CDH9: variants seen among roughly 807,000 people sequenced by gnomAD.
The protein encoded by CDH9 is cadherin-9.
Under a neutral mutation model 70.9 loss-of-function variants are expected in CDH9, and 28 were observed. That is an observed-to-expected ratio of 0.40 (90% CI 0.29 to 0.54). The LOEUF is 0.54. Among genes scored for constraint, CDH9 ranks in the 20% least tolerant of loss-of-function variants. The pLI, the probability that CDH9 is intolerant of heterozygous loss-of-function variation, is 0.59. For missense variants in CDH9, 874 were observed against 984.4 expected, an observed-to-expected ratio of 0.89 and a Z score of 1.50; for synonymous variants, 409 against 343.1, an observed-to-expected ratio of 1.19 and a Z score of -2.12.
intron 2 of CDH9, among the ~76,000 whole-genome samples, chr5:26,972,608 T>A (rs568857324): frequency 2.0e-5 from 3 of 152,130 alleles, no homozygotes; most frequent in Non-Finnish European, 4.4e-5. Flanking sequence ...TGCCTACAAG[T>A]GGACATACGC....
intron 7 of CDH9, among the ~76,000 whole-genome samples, chr5:26,895,176 C>T (rs535616671): frequency 4.8e-4 from 73 of 152,092 alleles, no homozygotes; most frequent in African/African-American, 1.7e-3. Flanking sequence ...TTGCTTTTTA[C>T]TTTTCAGCTA....
At chr5:26,919,308 G>T (rs1204562587) in intron 2 of CDH9, among the ~76,000 whole-genome samples, 2 of 152,114 alleles carry the variant, frequency 1.3e-5, no homozygotes, top group African/African-American at 4.8e-5. Flanking sequence ...ACTCAATGCT[G>T]CCCTGTCACA....
chr5:26,974,162 T>TGAACCTGGGA (rs1294865867), intron 2 of CDH9, among the ~76,000 whole-genome samples: 1 of 152,134 alleles, frequency 6.6e-6, no homozygotes, highest in East Asian at 1.9e-4. Context: ...GAGAATCGCT[T>TGAACCTGGGA]GAACCTGGGA....
At chr5:26,972,503 A>AC (rs896837979) in intron 2 of CDH9, among the ~76,000 whole-genome samples, 22 of 151,852 alleles carry the variant, frequency 1.4e-4, no homozygotes, top group East Asian at 3.9e-4. Flanking sequence ...GCCCTGTGGA[A>AC]CCCCCCCACA....
At chr5:26,885,086 T>C (rs1265919861) in intron 11 of CDH9, among the ~76,000 whole-genome samples, 1 of 152,180 alleles carries the variant, frequency 6.6e-6, no homozygotes, top group Admixed American at 6.5e-5. Context: ...AGACATCTGA[T>C]ATAGATAATT....
At chr5:26,893,409 T>G (rs541793756) in intron 7 of CDH9, among the ~76,000 whole-genome samples, 5 of 152,316 alleles carry the variant, frequency 3.3e-5, no homozygotes, top group Non-Finnish European at 4.4e-5. Context: ...ACCAGTTCAG[T>G]TGTCTCTGTT....
intron 1 of CDH9, among the ~76,000 whole-genome samples, chr5:27,001,956 C>T (rs934785936): frequency 2.0e-5 from 3 of 151,322 alleles, no homozygotes; most frequent in African/African-American, 7.3e-5. Context: ...GTTGGAAAAA[C>T]TTGAGCAACA....
chr5:26,883,638 G>A (rs2111964677), intron 11 of CDH9, among the ~76,000 whole-genome samples: 1 of 152,154 alleles, frequency 6.6e-6, no homozygotes, highest in East Asian at 1.9e-4. Context: ...CCAGAACACA[G>A]CATGTGTGAT....
At chr5:26,968,744 T>C (rs2112070443) in intron 2 of CDH9, among the ~76,000 whole-genome samples, 1 of 151,056 alleles carries the variant, frequency 6.6e-6, no homozygotes, top group East Asian at 1.9e-4. Context: ...GGGAAGCTTC[T>C]AGAATTCAAA....
At chr5:27,015,282 C>T (rs566515661) in intron 1 of CDH9, among the ~76,000 whole-genome samples, 2 of 151,672 alleles carry the variant, frequency 1.3e-5, no homozygotes, top group South Asian at 2.1e-4. Context: ...TCTAAATGAT[C>T]GTGTTCTCAC....
intron 1 of CDH9, among the ~76,000 whole-genome samples, chr5:27,023,191 T>C (rs1311923433): frequency 2.0e-5 from 3 of 152,200 alleles, no homozygotes; most frequent in East Asian, 1.9e-4. Context: ...GTGTAATGTA[T>C]ATGGTGGAGT....
intron 2 of CDH9, among the ~76,000 whole-genome samples, chr5:26,926,444 A>G (rs771428629): frequency 2.2e-4 from 33 of 152,188 alleles, no homozygotes; most frequent in Non-Finnish European, 4.4e-4. Context: ...ATAAAAGAGC[A>G]CACAAACAAA....
intron 6 of CDH9, 148 bp from the exon 7 acceptor site, chr5:26,902,877 T>C: frequency 1.7e-6 from 1 of 575,366 alleles, no homozygotes; most frequent in South Asian, 2.3e-5. Context: ...ATGAAATAAA[T>C]TTATAAATAT....
intron 1 of CDH9, among the ~76,000 whole-genome samples, chr5:27,034,554 A>C (rs533191996): frequency 6.6e-6 from 1 of 151,612 alleles, no homozygotes; most frequent in Non-Finnish European, 1.5e-5. Flanking sequence ...CTAAAATATA[A>C]ATAAATAAAT....
intron 1 of CDH9, among the ~76,000 whole-genome samples, chr5:27,022,527 A>C (rs2112126909): frequency 6.6e-6 from 1 of 152,236 alleles, no homozygotes; most frequent in African/African-American, 2.4e-5. Flanking sequence ...TTGATTACTA[A>C]TTGAATTAGT....
chr5:27,007,356 G>C (rs1043322135), intron 1 of CDH9, among the ~76,000 whole-genome samples: 5 of 152,066 alleles, frequency 3.3e-5, no homozygotes, highest in South Asian at 2.1e-4. Flanking sequence ...TAGGTGGATG[G>C]GGAGGATGTG....
At chr5:27,000,140 G>C (rs1561035284) in intron 1 of CDH9, among the ~76,000 whole-genome samples, 1 of 151,850 alleles carries the variant, frequency 6.6e-6, no homozygotes. Context: ...TATCTGATAA[G>C]GACTTTTATC....
intron 2 of CDH9, among the ~76,000 whole-genome samples, chr5:26,933,755 G>C (rs1335204188): frequency 6.6e-6 from 1 of 151,200 alleles, no homozygotes; most frequent in African/African-American, 2.4e-5. Context: ...ACTCCAGCCA[G>C]GCGACAGAGC....
chr5:27,025,987 G>A (rs1464220998), intron 1 of CDH9, among the ~76,000 whole-genome samples: 2 of 151,832 alleles, frequency 1.3e-5, no homozygotes, highest in African/African-American at 4.8e-5. Flanking sequence ...TAACCAGGAG[G>A]CACTGGAGAA....
Sources: allele counts gnomAD v4.1 joint callset (sites outside exome capture counted in the v4.1 genomes callset), GRCh38; gene constraint gnomAD v4.1.1; transcripts MANE v1.5; gene names NCBI Gene and HGNC (gene_info 2026-07-23, HGNC 2026-07-21).